Variants in LSAMP observed in about 807,000 individuals in gnomAD.
LSAMP encodes the protein limbic system associated membrane protein, also known as limbic system-associated membrane protein.
In LSAMP, 7 loss-of-function variants were observed where a neutral mutation model predicts 38.6. That is an observed-to-expected ratio of 0.18 (90% CI 0.10 to 0.34). The LOEUF is 0.34. Among genes scored for constraint, LSAMP ranks in the 10% least tolerant of loss-of-function variants. The pLI is 1.00. For synonymous variants in LSAMP, 154 were observed against 166.8 expected, an observed-to-expected ratio of 0.92 and a Z score of 0.59; for missense variants, 313 against 420.0, an observed-to-expected ratio of 0.75 and a Z score of 2.23.
At chr3:115,831,163 C>T (rs1934596116) in intron 6 of LSAMP, among the ~76,000 whole-genome samples, 1 of 152,108 alleles carries the variant, frequency 6.6e-6, no homozygotes, top group Non-Finnish European at 1.5e-5. Flanking sequence ...AAACCTGGTG[C>T]CATGCCTGAA....
At position 116,054,163 on chromosome 3, in the gene LSAMP, A is replaced by T. The variant is rs1420533269; in HGVS notation, c.388+32161T>A. 2.0e-5 allele frequency among the ~76,000 whole-genome samples: 3 copies of T among 152,244 alleles called. No homozygotes were observed. In the East Asian group the frequency reaches 5.8e-4, roughly 29 times the overall value. ...ATTCCTGAGCTCCTGGCCACCTTCC[A>T]TCTTCAAAGCCAGCAGTGCAGCATC... On this transcript the variant is annotated intron_variant, in intron 2 of 6. Coordinates refer to ENST00000490035, the MANE Select transcript of LSAMP (RefSeq NM_002338.5).
Position 115,959,554 on chromosome 3 carries a change from C to T in LSAMP, c.514+59961G>A, listed in dbSNP as rs72957710. Reference sequence around the variant, plus strand: ...TTTTATACAATAAAATGTAGTAGTTCGGAGCATGTGTGTTGGTTATAAGAA... The same window carrying T: ...TTTTATACAATAAAATGTAGTAGTTTGGAGCATGTGTGTTGGTTATAAGAA... On this transcript the variant is annotated intron_variant, in intron 3 of 6. Transcript: ENST00000490035. Among the ~76,000 whole-genome samples the T allele has an allele frequency of 2.5e-3, 385 of 152,212 alleles. 1 individual carries two copies. Among genetic ancestry groups the T allele is most frequent in the African/African-American group, 8.2e-3 (342 of 41,530 alleles).
At chr3:116,411,069 C>G (rs9990359) in intron 1 of LSAMP, among the ~76,000 whole-genome samples, 27,888 of 152,028 alleles carry the variant, frequency 0.18, 3,339 homozygotes, top group African/African-American at 0.34. Context: ...ATTCAAACCA[C>G]AATGAGATAT....
intron 1 of LSAMP, among the ~76,000 whole-genome samples, chr3:116,390,739 CAAA>C (rs60344430): frequency 0.081 from 4,532 of 55,664 alleles, 59 homozygotes; most frequent in African/African-American, 0.14. Flanking sequence ...GACTCCGCCT[CAAA>C]AAAAAAAAAA....
chr3:116,035,872 C>A (rs1002644437), intron 2 of LSAMP, among the ~76,000 whole-genome samples: 1 of 152,220 alleles, frequency 6.6e-6, no homozygotes, highest in Non-Finnish European at 1.5e-5. Context: ...CATTCTCCAA[C>A]CTCTTGGGGT....
chr3:116,320,580 G>A (rs2047695012), intron 1 of LSAMP, among the ~76,000 whole-genome samples: 1 of 152,074 alleles, frequency 6.6e-6, no homozygotes, highest in Non-Finnish European at 1.5e-5. Context: ...AGAAATCCTG[G>A]TCAGAATGAG....
At chr3:116,125,894 T>C (rs920410047) in intron 1 of LSAMP, among the ~76,000 whole-genome samples, 2 of 152,218 alleles carry the variant, frequency 1.3e-5, no homozygotes, top group Non-Finnish European at 2.9e-5. Flanking sequence ...CCTGGGCTCA[T>C]TGCTCTTTCA....
At chr3:116,133,953 G>A (rs1391188612) in intron 1 of LSAMP, among the ~76,000 whole-genome samples, 1 of 152,118 alleles carries the variant, frequency 6.6e-6, no homozygotes, top group Admixed American at 6.5e-5. Context: ...CCACATTAGT[G>A]ACACAGATGG....
intron 1 of LSAMP, among the ~76,000 whole-genome samples, chr3:116,279,639 C>T (rs2047101209): frequency 6.6e-6 from 1 of 152,100 alleles, no homozygotes; most frequent in South Asian, 2.1e-4. Flanking sequence ...TATTTTATTG[C>T]TTGTAATTAT....
chr3:116,163,898 A>T (rs1709966284), intron 1 of LSAMP, among the ~76,000 whole-genome samples: 1 of 152,214 alleles, frequency 6.6e-6, no homozygotes, highest in Non-Finnish European at 1.5e-5. Flanking sequence ...ATAAGATCAC[A>T]CATATATAAT....
At chr3:115,940,858 A>G (rs1937895229) in intron 3 of LSAMP, among the ~76,000 whole-genome samples, 1 of 152,192 alleles carries the variant, frequency 6.6e-6, no homozygotes, top group Non-Finnish European at 1.5e-5. Context: ...GTTTGAAATC[A>G]GGGACTGTGA....
At chr3:116,336,838 T>C (rs901014792) in intron 1 of LSAMP, among the ~76,000 whole-genome samples, 2 of 151,894 alleles carry the variant, frequency 1.3e-5, no homozygotes, top group African/African-American at 4.8e-5. Context: ...GATATTTATA[T>C]ACCCATGTTC....
At chr3:116,400,152 G>GCTGA (rs1260515805) in intron 1 of LSAMP, among the ~76,000 whole-genome samples, 1 of 152,040 alleles carries the variant, frequency 6.6e-6, no homozygotes, top group African/African-American at 2.4e-5. Context: ...GGAGGAGCTA[G>GCTGA]CTGACTATTT....
At chr3:116,108,225 A>G (rs907823118) in intron 1 of LSAMP, among the ~76,000 whole-genome samples, 3 of 152,162 alleles carry the variant, frequency 2.0e-5, no homozygotes, top group Non-Finnish European at 2.9e-5. Flanking sequence ...AAGGGCAGCA[A>G]TGAGATGCAG....
chr3:116,134,516 C>G (rs998006952), intron 1 of LSAMP, among the ~76,000 whole-genome samples: 1 of 152,196 alleles, frequency 6.6e-6, no homozygotes, highest in Non-Finnish European at 1.5e-5. Flanking sequence ...ATTCGGCCAA[C>G]CCATCCCCTT....
At chr3:116,144,562 C>CT (rs3071080) in intron 1 of LSAMP, among the ~76,000 whole-genome samples, 55,632 of 142,096 alleles carry the variant, frequency 0.39, 11,036 homozygotes, top group African/African-American at 0.41. Flanking sequence ...CATCACCTTA[C>CT]TTTTTTTTTT....
chr3:116,164,171 T>C (rs1172570293), intron 1 of LSAMP, among the ~76,000 whole-genome samples: 1 of 152,170 alleles, frequency 6.6e-6, no homozygotes, highest in East Asian at 1.9e-4. Context: ...ACCATGCTTC[T>C]TAAATTCCTG....
chr3:116,235,754 A>G (rs548820604), intron 1 of LSAMP, among the ~76,000 whole-genome samples: 27 of 152,312 alleles, frequency 1.8e-4, no homozygotes, highest in African/African-American at 5.5e-4. Context: ...TACTATATAG[A>G]AAAAATTAGC....
At position 116,160,002 on chromosome 3, in the gene LSAMP, C is replaced by T. The variant is rs143505217; in HGVS notation, c.156-73446G>A. Reference sequence around the variant, plus strand: ...CAGAAAACAAAATACTGCATGTTCTCACTTACAAGTGGGAGCTAAACAATG... The same window carrying T: ...CAGAAAACAAAATACTGCATGTTCTTACTTACAAGTGGGAGCTAAACAATG... On this transcript the variant is annotated intron_variant, in intron 1 of 6. Transcript: ENST00000490035. 1.7e-3 allele frequency among the ~76,000 whole-genome samples: 258 copies of T among 152,274 alleles called. 1 individual carries two copies. Among genetic ancestry groups the T allele is most frequent in the Middle Eastern group, 6.8e-3 (2 of 294 alleles).
Sources: gnomAD v4.1 joint callset for allele counts (sites outside exome capture counted in the v4.1 genomes callset) on GRCh38, gnomAD v4.1.1 for gene constraint, MANE v1.5 for transcripts, NCBI Gene and HGNC (gene_info 2026-07-23, HGNC 2026-07-21) for gene names.